Variants in UGGT2 observed in about 807,000 individuals in gnomAD.
UGGT2 encodes the protein UDP-glucose:glycoprotein glucosyltransferase 2.
UGGT2 carries 180 observed loss-of-function variants against 192.1 expected under a neutral mutation model. The ratio of observed to expected loss-of-function variants is 0.94; its 90% confidence interval spans 0.83 to 1.06. The LOEUF is 1.06. Among genes scored for constraint, UGGT2 ranks in the 50% least tolerant of loss-of-function variants. The pLI, the probability that UGGT2 is intolerant of heterozygous loss-of-function variation, is 0.00. For synonymous variants in UGGT2, 580 were observed against 591.0 expected (o/e 0.98, Z 0.27); for missense variants, 1,849 against 1,795.7 (o/e 1.03, Z -0.54).
intron 27 of UGGT2, among the ~76,000 whole-genome samples, 156 bp from the exon 28 acceptor site, chr13:95,878,012 C>T (rs1394833948): frequency 6.6e-6 from 1 of 152,020 alleles, no homozygotes; most frequent in Non-Finnish European, 1.5e-5. Context: ...ATGAGTTGAA[C>T]TGATTTCTTC....
intron 22 of UGGT2, among the ~76,000 whole-genome samples, chr13:95,899,883 A>T (rs2048052345): frequency 6.6e-6 from 1 of 152,172 alleles, no homozygotes; most frequent in African/African-American, 2.4e-5. Context: ...TGAATCTAAT[A>T]TGCAGGTGAA....
At chr13:96,037,863 G>C (rs185982586) in intron 1 of UGGT2, among the ~76,000 whole-genome samples, 3 of 152,106 alleles carry the variant, frequency 2.0e-5, no homozygotes. Flanking sequence ...GCAGAATAAC[G>C]AACTATATAA....
At chr13:95,890,205 C>T (rs2047760137) in intron 25 of UGGT2, among the ~76,000 whole-genome samples, 1 of 152,164 alleles carries the variant, frequency 6.6e-6, no homozygotes, top group Non-Finnish European at 1.5e-5. Flanking sequence ...TAAGTTTTAT[C>T]CAATTAAGCT....
intron 20 of UGGT2, among the ~76,000 whole-genome samples, chr13:95,922,634 T>C (rs2048881716): frequency 6.8e-6 from 1 of 147,512 alleles, no homozygotes; most frequent in African/African-American, 2.5e-5. Flanking sequence ...CCAGCCTGGA[T>C]GACATGGCAA....
At chr13:95,852,711 C>T (rs1334843782) in intron 36 of UGGT2, among the ~76,000 whole-genome samples, 1 of 152,014 alleles carries the variant, frequency 6.6e-6, no homozygotes, top group African/African-American at 2.4e-5. Context: ...TTTGTTTCTG[C>T]TTAAATTATC....
chr13:95,852,492 C>T (rs1889150037), intron 36 of UGGT2, among the ~76,000 whole-genome samples: 1 of 152,136 alleles, frequency 6.6e-6, no homozygotes, highest in Admixed American at 6.6e-5. Flanking sequence ...CTCTCCAAAA[C>T]ATTTATCTTT....
chr13:96,026,314 A>T (rs2139132928), intron 2 of UGGT2, among the ~76,000 whole-genome samples: 1 of 152,248 alleles, frequency 6.6e-6, no homozygotes, highest in African/African-American at 2.4e-5. Context: ...CAGAGAGCAA[A>T]CTTTATATAA....
In UGGT2 at chr13:96,043,735, A is replaced by G. The variant is rs2053229413; in HGVS notation, c.158+9420T>C. On this transcript the variant is annotated intron_variant, in intron 1 of 38. Coordinates refer to ENST00000376747, the MANE Select transcript of UGGT2 (RefSeq NM_020121.4). ...TAGCTATTCTTATATGAGATAAAAC[A>G]AATGTTAAAGCAACAACAGTTAAAA... Among the ~76,000 whole-genome samples the G allele has an allele frequency of 2.0e-5, 3 of 152,154 alleles. No homozygotes were observed. In the South Asian group the frequency reaches 6.2e-4, roughly 32 times the overall value.
At chr13:95,999,079 A>C in intron 6 of UGGT2, 132 bp downstream of exon 6, 1 of 533,122 alleles carries the variant, frequency 1.9e-6, no homozygotes, top group East Asian at 2.9e-5. Context: ...ATTTTAATGA[A>C]GAATATGTCC....
intron 32 of UGGT2, among the ~76,000 whole-genome samples, chr13:95,860,390 C>CA (rs1890045898): frequency 6.8e-6 from 1 of 147,102 alleles, no homozygotes; most frequent in African/African-American, 2.5e-5. Flanking sequence ...CTTACCTATC[C>CA]AAAATGTCTA....
chr13:96,035,677 A>G (rs549910562), intron 1 of UGGT2, among the ~76,000 whole-genome samples: 2 of 151,970 alleles, frequency 1.3e-5, no homozygotes, highest in Admixed American at 1.3e-4. Flanking sequence ...AAGGTCTAAC[A>G]TGCAAAGTCT....
At chr13:95,847,757 T>C (rs1888620946) in intron 36 of UGGT2, among the ~76,000 whole-genome samples, 1 of 152,228 alleles carries the variant, frequency 6.6e-6, no homozygotes, top group African/African-American at 2.4e-5. Flanking sequence ...ATAAAGGTGT[T>C]ATAAATATCT....
rs113343201 is a variant in UGGT2 at position 95,877,085 on chromosome 13, T to C, written c.3473+194A>G. ...TTTTAGTACAGATGGGGTTTTGCCA[T>C]GTTGGCCAGGCAGGTCTTGAACTCC... On this transcript the variant is annotated intron_variant, in intron 29 of 38. Transcript: ENST00000376747. The C allele has an allele frequency of 1.0e-3, 451 of 436,146 alleles. 4 individuals are homozygous for C. The highest frequency in any genetic ancestry group is 8.2e-3 in the African/African-American group (399 of 48,736). 27.0% of individuals were successfully genotyped at this position (436,146 alleles called of 1,614,324 possible). A position where few individuals can be genotyped will look rare whatever the true frequency, so the allele number is the denominator to read the frequency against.
chr13:95,942,400 G>T (rs2049722364), intron 15 of UGGT2, among the ~76,000 whole-genome samples: 1 of 152,032 alleles, frequency 6.6e-6, no homozygotes, highest in Non-Finnish European at 1.5e-5. Flanking sequence ...GCATTCCATT[G>T]CTCTACATTC....
intron 4 of UGGT2, among the ~76,000 whole-genome samples, chr13:96,017,823 T>G (rs1423121873): frequency 1.3e-5 from 2 of 152,218 alleles, no homozygotes; most frequent in African/African-American, 4.8e-5. Context: ...GGGATTTTTT[T>G]AACTTTAAAC....
chr13:95,993,701 A>T (rs2051526318), intron 7 of UGGT2, among the ~76,000 whole-genome samples: 1 of 152,198 alleles, frequency 6.6e-6, no homozygotes, highest in South Asian at 2.1e-4. Context: ...GTCTCCAAAA[A>T]TCTTATCCTT....
Position 96,046,416 on chromosome 13 carries a change from T to C in UGGT2, c.158+6739A>G, listed in dbSNP as rs185388396. Among the ~76,000 whole-genome samples, 196 of 152,312 alleles carry C rather than the reference T, an allele frequency of 1.3e-3. 1 individual carries two copies. The highest frequency in any genetic ancestry group is 3.6e-3 in the African/African-American group (151 of 41,572). On this transcript the variant is annotated intron_variant, in intron 1 of 38. Transcript: ENST00000376747. Reference sequence around the variant, plus strand: ...AACCTCAGAAAAACCCTTTTAGACATTGGCTTAGGCAAGGATTTCATGACC... The same window carrying C: ...AACCTCAGAAAAACCCTTTTAGACACTGGCTTAGGCAAGGATTTCATGACC...
Position 95,965,420 on chromosome 13 carries a change from G to C in UGGT2, c.1335+4692C>G, listed in dbSNP as rs1345568647. 2.6e-5 allele frequency among the ~76,000 whole-genome samples: 4 copies of C among 151,844 alleles called. No individual in the cohort carries two copies. In the East Asian group the frequency reaches 7.7e-4, roughly 29 times the overall value. ...GGAATACTATGCAGCCTTAAAAAAT[G>C]ATGAGTTCATGTCCTTTGTAGGGAC... On this transcript the variant is annotated intron_variant, in intron 12 of 38. Coordinates refer to ENST00000376747, the MANE Select transcript of UGGT2 (RefSeq NM_020121.4).
intron 38 of UGGT2, chr13:95,832,666 A>G (rs748791085): frequency 3.6e-6 from 2 of 550,072 alleles, no homozygotes; most frequent in African/African-American, 1.9e-5. Flanking sequence ...TTTCACCTCT[A>G]TGTTGTGTCA....
Sources: gnomAD v4.1 joint callset for allele counts (sites outside exome capture counted in the v4.1 genomes callset) on GRCh38, gnomAD v4.1.1 for gene constraint, MANE v1.5 for transcripts, NCBI Gene and HGNC (gene_info 2026-07-23, HGNC 2026-07-21) for gene names.